Variants in MYO3B observed in about 807,000 individuals in gnomAD.
MYO3B encodes the protein myosin IIIB.
In MYO3B, 156 loss-of-function variants were observed where a neutral mutation model predicts 174.6. The observed-to-expected ratio is 0.89, with a 90% CI of 0.78 to 1.02. MYO3B has a LOEUF of 1.02. Among genes scored for constraint, MYO3B ranks in the 50% least tolerant of loss-of-function variants. MYO3B has a pLI of 0.00. For missense variants in MYO3B, 1,632 were observed against 1,639.4 expected (o/e 1.00, Z 0.08); for synonymous variants, 563 against 569.1 (o/e 0.99, Z 0.15).
chr2:170,401,982 C>G (rs917413087), intron 18 of MYO3B, among the ~76,000 whole-genome samples: 2 of 151,948 alleles, frequency 1.3e-5, no homozygotes, highest in African/African-American at 4.8e-5. Flanking sequence ...TAGGCATTCT[C>G]TTTTAGAAGA....
At chr2:170,498,517 A>G (rs944717774) in intron 25 of MYO3B, 75 bp from the exon 26 acceptor site, 7 of 971,106 alleles carry the variant, frequency 7.2e-6, no homozygotes, top group African/African-American at 3.3e-5. Flanking sequence ...AGGTGTGTCA[A>G]TGGTCCCGAG....
intron 32 of MYO3B, among the ~76,000 whole-genome samples, chr2:170,614,681 T>C (rs1377315138): frequency 6.6e-6 from 1 of 152,206 alleles, no homozygotes; most frequent in East Asian, 1.9e-4. Context: ...CCAGGTGATG[T>C]TGATGCTGCT....
intron 32 of MYO3B, among the ~76,000 whole-genome samples, chr2:170,583,700 C>G (rs549312660): frequency 2.5e-4 from 38 of 152,172 alleles, no homozygotes; most frequent in African/African-American, 8.7e-4. Context: ...CTGACAATAT[C>G]TTTTTAAGTA....
At chr2:170,384,988 G>A (rs2094363240) in intron 12 of MYO3B, among the ~76,000 whole-genome samples, 1 of 152,058 alleles carries the variant, frequency 6.6e-6, no homozygotes, top group Non-Finnish European at 1.5e-5. Flanking sequence ...CTCTCTTTAG[G>A]TTTGATAATT....
At chr2:170,414,479 G>A (rs533431167) in intron 22 of MYO3B, among the ~76,000 whole-genome samples, 5 of 152,248 alleles carry the variant, frequency 3.3e-5, no homozygotes, top group South Asian at 2.1e-4. Context: ...GAGCCACAAC[G>A]CCTGGCTGTA....
At chr2:170,436,430 C>G (rs1476862456) in intron 22 of MYO3B, among the ~76,000 whole-genome samples, 1 of 152,182 alleles carries the variant, frequency 6.6e-6, no homozygotes, top group East Asian at 1.9e-4. Flanking sequence ...ATGCTTCCCA[C>G]TCATTATAAA....
intron 16 of MYO3B, among the ~76,000 whole-genome samples, chr2:170,395,307 T>C (rs920557135): frequency 6.6e-6 from 1 of 152,230 alleles, no homozygotes; most frequent in Non-Finnish European, 1.5e-5. Flanking sequence ...TAAAATTATA[T>C]TTGTCTTCCT....
At chr2:170,646,501 C>A (rs1192535107) in intron 32 of MYO3B, among the ~76,000 whole-genome samples, 1 of 151,658 alleles carries the variant, frequency 6.6e-6, no homozygotes, top group Non-Finnish European at 1.5e-5. Context: ...CTCAAGGGAT[C>A]CTCCTTTCTC....
At chr2:170,605,786 G>A (rs954221760) in intron 32 of MYO3B, among the ~76,000 whole-genome samples, 1 of 152,096 alleles carries the variant, frequency 6.6e-6, no homozygotes, top group African/African-American at 2.4e-5. Context: ...CTTGAACCCA[G>A]GAGGCAGAGG....
At chr2:170,649,176 ATATATAAAATAAT>A (rs1698719394) in intron 32 of MYO3B, among the ~76,000 whole-genome samples, 1 of 72,844 alleles carries the variant, frequency 1.4e-5, no homozygotes, top group African/African-American at 6.3e-5. Flanking sequence ...ATAATATATT[ATATATAAAATAAT>A]ATATATTATA....
At chr2:170,503,835 A>T (rs1408591997) in intron 28 of MYO3B, among the ~76,000 whole-genome samples, 1 of 152,184 alleles carries the variant, frequency 6.6e-6, no homozygotes, top group East Asian at 1.9e-4. Flanking sequence ...GAGCAAAGGC[A>T]GACAGCATCT....
rs1173456398 is a variant in MYO3B at position 170,529,287 on chromosome 2, T to C, written c.3575+9747T>C. On this transcript the variant is annotated intron_variant, in intron 30 of 34. Coordinates refer to ENST00000408978, the MANE Select transcript of MYO3B (RefSeq NM_138995.5). ...AGTACCTGGGTGATGGAATCATCTG[T>C]ACAACAAACCCCCATGACACAAGTT... 2.0e-5 allele frequency among the ~76,000 whole-genome samples: 3 copies of C among 151,966 alleles called. No individual in the cohort carries two copies. In the East Asian group the frequency reaches 5.8e-4, roughly 29 times the overall value.
chr2:170,423,009 T>C (rs2094629910), intron 22 of MYO3B, among the ~76,000 whole-genome samples: 1 of 119,706 alleles, frequency 8.4e-6, no homozygotes, highest in South Asian at 2.7e-4. Context: ...GAGACAGAGT[T>C]TCACTCCTGT....
chr2:170,369,519 C>G (rs529428766), intron 9 of MYO3B, 142 bp downstream of exon 9: 151 of 907,106 alleles, frequency 1.7e-4, no homozygotes, highest in Admixed American at 8.3e-4. Flanking sequence ...ATTAAGTACT[C>G]CATGCCCAGT....
chr2:170,221,155 G>A (rs1386421188), intron 6 of MYO3B, among the ~76,000 whole-genome samples: 1 of 151,946 alleles, frequency 6.6e-6, no homozygotes, highest in East Asian at 1.9e-4. Flanking sequence ...GGCCTGTGTG[G>A]TATATTGATC....
At chr2:170,264,228 G>A (rs1199162601) in intron 7 of MYO3B, among the ~76,000 whole-genome samples, 1 of 152,222 alleles carries the variant, frequency 6.6e-6, no homozygotes, top group East Asian at 1.9e-4. Flanking sequence ...GTAACAGTCT[G>A]ATCTCTCTTT....
chr2:170,450,838 A>G (rs974410976), intron 23 of MYO3B, among the ~76,000 whole-genome samples: 3 of 152,206 alleles, frequency 2.0e-5, no homozygotes, highest in African/African-American at 7.2e-5. Flanking sequence ...TGCTATTCAG[A>G]CACATGGGCC....
At chr2:170,349,040 A>G (rs2094039833) in intron 8 of MYO3B, among the ~76,000 whole-genome samples, 1 of 152,188 alleles carries the variant, frequency 6.6e-6, no homozygotes, top group Non-Finnish European at 1.5e-5. Flanking sequence ...AAACTGATCA[A>G]GTCATGCCCT....
At chr2:170,643,468 A>C (rs1698136312) in intron 32 of MYO3B, among the ~76,000 whole-genome samples, 1 of 152,108 alleles carries the variant, frequency 6.6e-6, no homozygotes, top group East Asian at 1.9e-4. Context: ...TGGTCAGAGG[A>C]GTGATGCACC....
Sources: allele counts gnomAD v4.1 joint callset (sites outside exome capture counted in the v4.1 genomes callset), GRCh38; gene constraint gnomAD v4.1.1; transcripts MANE v1.5; gene names NCBI Gene and HGNC (gene_info 2026-07-23, HGNC 2026-07-21).